The following RBM27 variants were observed in gnomAD, a reference collection of about 807,000 sequenced individuals.
RBM27 encodes RNA binding motif protein 27.
Under a neutral mutation model 135.3 loss-of-function variants are expected in RBM27, and 22 were observed. The observed-to-expected ratio is 0.16, with a 90% CI of 0.12 to 0.23. RBM27 has a LOEUF of 0.23. Ranked by LOEUF, RBM27 falls within the 10% of genes least tolerant of loss-of-function variation. RBM27 has a pLI of 1.00. For synonymous variants in RBM27, 481 were observed against 442.4 expected, an observed-to-expected ratio of 1.09 and a Z score of -1.10; for missense variants, 1,009 against 1,281.0, an observed-to-expected ratio of 0.79 and a Z score of 3.24.
chr5:146,210,630 A>C (rs974467304), intron 1 of RBM27, among the ~76,000 whole-genome samples: 3 of 152,184 alleles, frequency 2.0e-5, no homozygotes, highest in African/African-American at 7.2e-5. Context: ...TGAACTTCCC[A>C]GCCTGCAGAA....
intron 1 of RBM27, among the ~76,000 whole-genome samples, chr5:146,205,824 G>C (rs1336097698): frequency 1.3e-5 from 2 of 152,178 alleles, no homozygotes; most frequent in Non-Finnish European, 2.9e-5. Flanking sequence ...TTCAAGACCA[G>C]CCTGGCCAAT....
intron 8 of RBM27, among the ~76,000 whole-genome samples, chr5:146,239,837 G>GTGCC (rs1441060279): frequency 1.3e-5 from 2 of 148,434 alleles, no homozygotes; most frequent in East Asian, 4.0e-4. Context: ...AAGTGTGGTG[G>GTGCC]TGCCATCTTG....
intron 13 of RBM27, 96 bp downstream of exon 13, chr5:146,261,902 A>G (rs1758417968): frequency 7.8e-7 from 1 of 1,284,380 alleles, no homozygotes; most frequent in Admixed American, 2.1e-5. Context: ...CAGAAGAGCT[A>G]CTCTTAATTT....
chr5:146,254,008 T>A (rs1451061984), intron 9 of RBM27, among the ~76,000 whole-genome samples: 2 of 152,254 alleles, frequency 1.3e-5, no homozygotes, highest in African/African-American at 4.8e-5. Context: ...CCAGCTGTTC[T>A]CACTCTAGTT....
chr5:146,223,106 G>T (rs1269267487), intron 2 of RBM27, among the ~76,000 whole-genome samples: 1 of 152,082 alleles, frequency 6.6e-6, no homozygotes, highest in Non-Finnish European at 1.5e-5. Flanking sequence ...TGTGTACTCT[G>T]TTGTATAGAT....
rs572288741 is a variant in RBM27 at position 146,272,722 on chromosome 5, C to CA, written c.2988+1063dup. The stretch of plus-strand genomic sequence containing the variant: ...GGGCCACAAGAGCGAAACTCCATCT[C>CA]AAAAAAAAAAAAAAAGTATTAAAGA... On this transcript the variant is annotated intron_variant, in intron 19 of 20. Transcript: ENST00000265271. 4.6e-3 allele frequency among the ~76,000 whole-genome samples: 536 copies of CA among 117,558 alleles called. 4 individuals are homozygous for CA. The highest frequency in any genetic ancestry group is 0.013 in the African/African-American group (389 of 30,254). 77.1% of individuals were successfully genotyped at this position (117,558 alleles called of 152,430 possible). A position where few individuals can be genotyped will look rare whatever the true frequency, so the allele number is the denominator to read the frequency against.
At position 146,259,646 on chromosome 5, in the gene RBM27, T is replaced by A. The variant is rs539930463; in HGVS notation, c.1739+1053T>A. Among the ~76,000 whole-genome samples the A allele has an allele frequency of 6.6e-5, 10 of 152,086 alleles. 1 individual carries two copies. In the South Asian group the frequency reaches 2.1e-3, roughly 32 times the overall value. On this transcript the variant is annotated intron_variant, in intron 11 of 20. Coordinates refer to ENST00000265271, the MANE Select transcript of RBM27 (RefSeq NM_018989.2). The stretch of plus-strand genomic sequence containing the variant: ...TTAGTTGGGCCTTTTCTTTTTGTAA[T>A]CTATTGCTGTTCACCTTTTCTATTC...
chr5:146,208,207 G>A (rs1755785715), intron 1 of RBM27, among the ~76,000 whole-genome samples: 1 of 151,786 alleles, frequency 6.6e-6, no homozygotes, highest in Non-Finnish European at 1.5e-5. Context: ...CACCTGCCTC[G>A]GCCTCCAAAG....
chr5:146,221,676 C>T (rs1156683695), intron 2 of RBM27, among the ~76,000 whole-genome samples: 1 of 152,226 alleles, frequency 6.6e-6, no homozygotes, highest in Non-Finnish European at 1.5e-5. Context: ...AAGTGATCCA[C>T]CTGCCTCGGC....
intron 8 of RBM27, among the ~76,000 whole-genome samples, chr5:146,248,132 A>G (rs68040240): frequency 0.1 from 15,264 of 151,666 alleles, 1,037 homozygotes; most frequent in African/African-American, 0.19. Context: ...TGAACTCATG[A>G]ATTTTTAACA....
chr5:146,231,044 C>CA (rs1172948627), intron 6 of RBM27, 127 bp downstream of exon 6: 165 of 1,176,798 alleles, frequency 1.4e-4, no homozygotes, highest in Non-Finnish European at 1.9e-4. Flanking sequence ...TATTTTGAGA[C>CA]AGAGTCTTGC....
At chr5:146,211,754 G>C (rs1345928287) in intron 1 of RBM27, among the ~76,000 whole-genome samples, 2 of 151,826 alleles carry the variant, frequency 1.3e-5, no homozygotes, top group Non-Finnish European at 2.9e-5. Flanking sequence ...GAGCCGTCAG[G>C]CCTGGCCCAG....
At chr5:146,234,321 G>A (rs1415290516) in intron 7 of RBM27, among the ~76,000 whole-genome samples, 1 of 152,210 alleles carries the variant, frequency 6.6e-6, no homozygotes, top group African/African-American at 2.4e-5. Context: ...AATAGTATGT[G>A]TGTTGCAGGT....
chr5:146,258,960 C>T (rs1162271793), intron 11 of RBM27, among the ~76,000 whole-genome samples: 3 of 151,874 alleles, frequency 2.0e-5, no homozygotes, highest in Admixed American at 1.3e-4. Flanking sequence ...GGGGTTTCAC[C>T]TTGTTAGTCA....
intron 1 of RBM27, among the ~76,000 whole-genome samples, chr5:146,211,344 A>G (rs931827330): frequency 6.6e-6 from 1 of 152,120 alleles, no homozygotes; most frequent in African/African-American, 2.4e-5. Context: ...CAAACAGACT[A>G]AGAGAGAAAG....
chr5:146,253,619 CTTATA>C (rs1183863185), intron 9 of RBM27, among the ~76,000 whole-genome samples: 3 of 151,928 alleles, frequency 2.0e-5, no homozygotes, highest in South Asian at 4.1e-4. Context: ...AGTTCTAGTT[CTTATA>C]TTAGATATCT....
At chr5:146,270,535 G>A (rs558219257) in intron 17 of RBM27, among the ~76,000 whole-genome samples, 15 of 152,144 alleles carry the variant, frequency 9.9e-5, no homozygotes, top group South Asian at 8.3e-4. Context: ...TAAATAATTC[G>A]TCTCTAACAA....
Position 146,237,382 on chromosome 5 carries a change from C to T in RBM27, c.1229C>T (p.Thr410Ile). The T allele has an allele frequency of 6.2e-7, 1 of 1,614,000 alleles. No individual in the cohort carries two copies. Among genetic ancestry groups the T allele is most frequent in the Non-Finnish European group, 8.5e-7 (1 of 1,179,870 alleles). The change falls in exon 8 of 21, where the codon ACA becomes ATA. Residue 410 changes from threonine (T) to isoleucine (I), a missense_variant. Thr to Ile is a moderately conservative substitution (Grantham distance 89, BLOSUM62 -1). Around this residue, in one of 6 missense-constraint regions of RBM27, gnomAD observed 329 missense variants for 368.1 expected, o/e 0.89. Transcript: ENST00000265271. ...GTGCCCAATCTTGCATCAGTGGGAACAAGACTACCTCCTCCTTTACCCCAG... is the reference window on the plus strand; with the variant it reads ...GTGCCCAATCTTGCATCAGTGGGAATAAGACTACCTCCTCCTTTACCCCAG... ...SAVPNLASVGTRLPPPLPQNL... is the reference protein window; with the variant it reads ...SAVPNLASVGIRLPPPLPQNL...
chr5:146,208,105 C>T (rs538008001), intron 1 of RBM27, among the ~76,000 whole-genome samples: 100 of 151,532 alleles, frequency 6.6e-4, no homozygotes, highest in African/African-American at 2.1e-3. Context: ...TACAGGTGCC[C>T]GCCACTACGC....
Sources: allele counts gnomAD v4.1 joint callset (sites outside exome capture counted in the v4.1 genomes callset), GRCh38; gene constraint gnomAD v4.1.1; regional missense constraint gnomAD v4.1.1; transcripts MANE v1.5; gene names NCBI Gene and HGNC (gene_info 2026-07-23, HGNC 2026-07-21).